The following SGCD variants were observed in gnomAD, a reference collection of about 807,000 sequenced individuals.
The protein encoded by SGCD is delta-sarcoglycan.
Under a neutral mutation model 36.6 loss-of-function variants are expected in SGCD, and 18 were observed. The ratio of observed to expected loss-of-function variants is 0.49; its 90% CI spans 0.34 to 0.73. The LOEUF (loss-of-function observed/expected upper bound fraction) is 0.73, where lower values mean the gene tolerates loss of function less well. Among genes scored for constraint, SGCD ranks in the 30% least tolerant of loss-of-function variants. The pLI is 0.01. For missense variants in SGCD, 387 were observed against 346.7 expected, an observed-to-expected ratio of 1.12 and a Z score of -0.92; for synonymous variants, 133 against 130.6, an observed-to-expected ratio of 1.02 and a Z score of -0.12.
chr5:156,435,612 A>G (rs528497824), intron 3 of SGCD, among the ~76,000 whole-genome samples: 185 of 152,306 alleles, frequency 1.2e-3, no homozygotes, highest in African/African-American at 4.3e-3. Flanking sequence ...CCGCTCTTGA[A>G]TATCTCTTTT....
At position 156,765,155 on chromosome 5, in the gene SGCD, A is replaced by AGTT. The variant is rs1757564859; in HGVS notation, c.*5768_*5770dup. 1 of 152,198 alleles carries AGTT rather than the reference A, an allele frequency of 6.6e-6. No individual in the cohort carries two copies. Among genetic ancestry groups the AGTT allele is most frequent in the Non-Finnish European group, 1.5e-5 (1 of 68,042 alleles). 9.4% of individuals were successfully genotyped at this position (152,198 alleles called of 1,614,324 possible). A position where few individuals can be genotyped will look rare whatever the true frequency, so the allele number is the denominator to read the frequency against. ...TTTAAAATCCACCCCACATGCCTAG[A>AGTT]GTTGTCTAATAGTCCCTCACTTTCC... On this transcript the variant is annotated 3_prime_UTR_variant, in exon 9 of 9. Coordinates refer to ENST00000337851, the MANE Select transcript of SGCD (RefSeq NM_000337.6).
intron 1 of SGCD, among the ~76,000 whole-genome samples, chr5:155,912,637 G>A (rs1021592819): frequency 2.6e-5 from 4 of 152,128 alleles, no homozygotes; most frequent in African/African-American, 9.7e-5. Flanking sequence ...TGTGTTGAAT[G>A]TATGTTTCCC....
At chr5:156,505,321 G>A (rs1756650040) in intron 3 of SGCD, among the ~76,000 whole-genome samples, 1 of 152,182 alleles carries the variant, frequency 6.6e-6, no homozygotes, top group African/African-American at 2.4e-5. Context: ...TATACAGATG[G>A]CATAGAGGAA....
intron 1 of SGCD, among the ~76,000 whole-genome samples, chr5:155,943,714 T>C (rs56259673): frequency 0.099 from 15,099 of 152,120 alleles, 854 homozygotes; most frequent in South Asian, 0.17. Context: ...TGCTCAACCC[T>C]ACAGGAAGTG....
chr5:156,043,230 G>A (rs974566827), intron 1 of SGCD, among the ~76,000 whole-genome samples: 2 of 152,120 alleles, frequency 1.3e-5, no homozygotes, highest in Non-Finnish European at 2.9e-5. Flanking sequence ...GTTGCTAAAT[G>A]CATCCTTAGA....
the SGCD span, among the ~76,000 whole-genome samples, chr5:155,801,183 T>G: frequency 6.6e-6 from 1 of 152,154 alleles, no homozygotes; most frequent in African/African-American, 2.4e-5. Context: ...AGTTTGGTTG[T>G]TGGAATATCC....
intron 1 of SGCD, among the ~76,000 whole-genome samples, chr5:156,045,125 T>C (rs1190419312): frequency 6.6e-6 from 1 of 152,126 alleles, no homozygotes; most frequent in African/African-American, 2.4e-5. Flanking sequence ...TATCCTTTTA[T>C]CAGGAGCCTA....
chr5:156,731,367 T>G (rs1028953416), intron 7 of SGCD, among the ~76,000 whole-genome samples: 3 of 152,188 alleles, frequency 2.0e-5, no homozygotes, highest in African/African-American at 7.2e-5. Context: ...TTTCAGAGTT[T>G]TGGGTTTCAC....
intron 3 of SGCD, among the ~76,000 whole-genome samples, chr5:156,437,996 G>C (rs1030432419): frequency 2.0e-5 from 3 of 152,104 alleles, no homozygotes; most frequent in Non-Finnish European, 2.9e-5. Context: ...GGGATTGAAG[G>C]CTTATGCCTA....
chr5:156,299,206 C>A (rs1766986243), intron 3 of SGCD, among the ~76,000 whole-genome samples: 1 of 152,054 alleles, frequency 6.6e-6, no homozygotes, highest in African/African-American at 2.4e-5. Flanking sequence ...TGTCCTTTCC[C>A]CAGTGTATGT....
chr5:156,607,722 A>C (rs1404413882), intron 6 of SGCD, among the ~76,000 whole-genome samples: 1 of 151,764 alleles, frequency 6.6e-6, no homozygotes, highest in African/African-American at 2.4e-5. Flanking sequence ...CTCATTTCAG[A>C]GCCTGTTATT....
chr5:156,573,851 G>C (rs1759819910), intron 4 of SGCD, among the ~76,000 whole-genome samples: 1 of 151,902 alleles, frequency 6.6e-6, no homozygotes, highest in Non-Finnish European at 1.5e-5. Context: ...ATGTCACCAT[G>C]CCCAGCTAAT....
Position 156,079,873 on chromosome 5 carries a change from G to A in SGCD, c.-281-38005G>A, listed in dbSNP as rs1164627798. Reference sequence around the variant, plus strand: ...CTACCATTTTGGAATATGGAGGACCGTGGCCTCATTCCCACAGCTCCACTA... The same window carrying A: ...CTACCATTTTGGAATATGGAGGACCATGGCCTCATTCCCACAGCTCCACTA... On this transcript the variant is annotated intron_variant, in intron 1 of 9. Transcript: ENST00000517913. Among the ~76,000 whole-genome samples, 10 of 152,304 alleles carry A rather than the reference G, an allele frequency of 6.6e-5. No homozygotes were observed. The East Asian group carries it at 7.7e-4, about 12-fold the overall frequency.
At chr5:156,286,357 A>G (rs975425381) in intron 3 of SGCD, among the ~76,000 whole-genome samples, 4 of 152,198 alleles carry the variant, frequency 2.6e-5, no homozygotes, top group African/African-American at 7.2e-5. Context: ...TCATGCTGCT[A>G]TAAAGACACA....
intron 7 of SGCD, among the ~76,000 whole-genome samples, chr5:156,672,540 C>A (rs141453122): frequency 3.8e-4 from 58 of 152,300 alleles, no homozygotes; most frequent in Middle Eastern, 3.4e-3. Flanking sequence ...CTGTCTTCAC[C>A]AAACCCACAG....
intron 3 of SGCD, chr5:156,393,920 C>A: frequency 4.5e-6 from 2 of 441,190 alleles, no homozygotes; most frequent in Non-Finnish European, 9.2e-6. Context: ...TTGACACTCA[C>A]AAGAGATGGG....
At chr5:155,811,282 G>A in the SGCD span, among the ~76,000 whole-genome samples, 1 of 151,782 alleles carries the variant, frequency 6.6e-6, no homozygotes, top group Non-Finnish European at 1.5e-5. Context: ...ATTCCACAGA[G>A]CAACAACAAC....
chr5:155,842,246 G>GGT, the SGCD span, among the ~76,000 whole-genome samples: 13 of 129,044 alleles, frequency 1.0e-4, no homozygotes, highest in African/African-American at 3.8e-4. Context: ...CATTTGAGGT[G>GGT]TTTTTTTTTT....
At chr5:156,678,904 G>A (rs1753617881) in intron 7 of SGCD, among the ~76,000 whole-genome samples, 2 of 152,148 alleles carry the variant, frequency 1.3e-5, no homozygotes. Flanking sequence ...TTATAGTGTT[G>A]ATTACACCCC....
Sources: allele counts gnomAD v4.1 joint callset (sites outside exome capture counted in the v4.1 genomes callset), GRCh38; gene constraint gnomAD v4.1.1; transcripts MANE v1.5; gene names NCBI Gene and HGNC (gene_info 2026-07-23, HGNC 2026-07-21).